PACRG: variants seen among roughly 807,000 people sequenced by gnomAD.
The protein encoded by PACRG is parkin coregulated gene protein.
PACRG carries 29 observed loss-of-function variants against 29.7 expected under a neutral mutation model. The ratio of observed to expected loss-of-function variants is 0.98; its 90% CI spans 0.73 to 1.33. The LOEUF is 1.33. Among genes scored for constraint, PACRG ranks in the 40% most tolerant of loss-of-function variants. PACRG has a pLI of 0.00. For missense variants in PACRG, 279 were observed against 316.2 expected, an observed-to-expected ratio of 0.88 and a Z score of 0.89; for synonymous variants, 116 against 118.7, an observed-to-expected ratio of 0.98 and a Z score of 0.15.
intron 4 of PACRG, among the ~76,000 whole-genome samples, chr6:163,216,721 A>G (rs1376346040): frequency 6.6e-6 from 1 of 152,184 alleles, no homozygotes; most frequent in Non-Finnish European, 1.5e-5. Flanking sequence ...CAACTTTATC[A>G]TAGTGTGAGA....
chr6:163,027,244 A>G (rs1219228345), intron 2 of PACRG, among the ~76,000 whole-genome samples: 1 of 152,190 alleles, frequency 6.6e-6, no homozygotes, highest in Non-Finnish European at 1.5e-5. Context: ...TTCTGCATTT[A>G]TCTGGGGTTT....
intron 2 of PACRG, among the ~76,000 whole-genome samples, chr6:162,917,273 A>T (rs1211353059): frequency 6.6e-6 from 1 of 152,146 alleles, no homozygotes; most frequent in Admixed American, 6.5e-5. Context: ...TGGAGCAGTG[A>T]AGTTCACGGT....
chr6:163,246,761 A>T (rs1468279411), intron 4 of PACRG, among the ~76,000 whole-genome samples: 3 of 152,264 alleles, frequency 2.0e-5, no homozygotes, highest in Non-Finnish European at 2.9e-5. Flanking sequence ...AGCTTTAGGC[A>T]AAAACAAATA....
chr6:162,817,521 G>C (rs1787461461), intron 2 of PACRG, among the ~76,000 whole-genome samples: 1 of 152,182 alleles, frequency 6.6e-6, no homozygotes, highest in African/African-American at 2.4e-5. Flanking sequence ...GAAGATTGCA[G>C]CAGTGTCTGA....
chr6:162,915,695 T>C (rs774378658), intron 2 of PACRG, among the ~76,000 whole-genome samples: 1 of 152,146 alleles, frequency 6.6e-6, no homozygotes, highest in African/African-American at 2.4e-5. Flanking sequence ...GCTATTCTTT[T>C]GTATTGTTTT....
intron 1 of PACRG, among the ~76,000 whole-genome samples, chr6:162,758,499 T>G (rs1419468417): frequency 6.6e-6 from 1 of 152,214 alleles, no homozygotes; most frequent in Non-Finnish European, 1.5e-5. Flanking sequence ...ATATGACTAC[T>G]TGGTTCATTA....
At chr6:162,808,777 A>G (rs1406271356) in intron 1 of PACRG, among the ~76,000 whole-genome samples, 1 of 152,154 alleles carries the variant, frequency 6.6e-6, no homozygotes, top group Non-Finnish European at 1.5e-5. Flanking sequence ...ATTTTCCCAC[A>G]AATCTCGTTT....
chr6:163,259,626 C>T (rs1386681126), intron 4 of PACRG, among the ~76,000 whole-genome samples: 1 of 152,184 alleles, frequency 6.6e-6, no homozygotes, highest in African/African-American at 2.4e-5. Context: ...ACAGCCTCAG[C>T]CTCACTTTGG....
At chr6:163,009,148 C>G (rs960101702) in intron 2 of PACRG, among the ~76,000 whole-genome samples, 2 of 152,114 alleles carry the variant, frequency 1.3e-5, no homozygotes, top group East Asian at 3.9e-4. Flanking sequence ...GTCCATGTGA[C>G]AACAACAACA....
intron 2 of PACRG, among the ~76,000 whole-genome samples, chr6:162,858,701 T>A (rs979275364): frequency 6.6e-6 from 1 of 152,182 alleles, no homozygotes; most frequent in Non-Finnish European, 1.5e-5. Context: ...TGAAATGGCA[T>A]GCTCCAATCG....
At chr6:163,110,414 C>T (rs761588483) in intron 4 of PACRG, among the ~76,000 whole-genome samples, 1 of 152,222 alleles carries the variant, frequency 6.6e-6, no homozygotes, top group Non-Finnish European at 1.5e-5. Context: ...TAATTACACT[C>T]ACTGGAGTTC....
chr6:162,932,664 A>G (rs1797936107), intron 2 of PACRG, among the ~76,000 whole-genome samples: 1 of 151,762 alleles, frequency 6.6e-6, no homozygotes, highest in Non-Finnish European at 1.5e-5. Context: ...TCTAATTTGT[A>G]GTTGTATAGT....
At chr6:162,924,952 G>T (rs1387367426) in intron 2 of PACRG, among the ~76,000 whole-genome samples, 1 of 151,652 alleles carries the variant, frequency 6.6e-6, no homozygotes, top group Non-Finnish European at 1.5e-5. Flanking sequence ...AGAGAAGAAT[G>T]AAATAGACAC....
chr6:163,119,893 C>T (rs1816189631), intron 4 of PACRG, among the ~76,000 whole-genome samples: 1 of 152,014 alleles, frequency 6.6e-6, no homozygotes, highest in African/African-American at 2.4e-5. Flanking sequence ...CATTTTGGGG[C>T]TTATTATTCA....
At chr6:162,854,542 T>G (rs1336122378) in intron 2 of PACRG, among the ~76,000 whole-genome samples, 1 of 152,224 alleles carries the variant, frequency 6.6e-6, no homozygotes, top group Non-Finnish European at 1.5e-5. Context: ...ATTATTATTA[T>G]TTTTTGGTTT....
intron 2 of PACRG, among the ~76,000 whole-genome samples, chr6:162,932,531 G>C (rs1797929042): frequency 6.6e-6 from 1 of 151,946 alleles, no homozygotes; most frequent in South Asian, 2.1e-4. Context: ...TCCTTGATAG[G>C]AGACTTTTCA....
chr6:162,900,782 C>T (rs1333100662), intron 2 of PACRG, among the ~76,000 whole-genome samples: 1 of 152,174 alleles, frequency 6.6e-6, no homozygotes, highest in Non-Finnish European at 1.5e-5. Flanking sequence ...GTGGCTGGCT[C>T]CTTCTCAGCC....
chr6:162,976,539 C>A (rs187331645), intron 2 of PACRG, among the ~76,000 whole-genome samples: 33 of 152,206 alleles, frequency 2.2e-4, no homozygotes, highest in African/African-American at 7.7e-4. Flanking sequence ...GAACAGCAGG[C>A]TGTACAGAAA....
At chr6:162,874,682 C>T (rs1304958496) in intron 2 of PACRG, among the ~76,000 whole-genome samples, 1 of 152,190 alleles carries the variant, frequency 6.6e-6, no homozygotes, top group Non-Finnish European at 1.5e-5. Context: ...GAATCATCCA[C>T]AAGTACCAGG....
Sources: gnomAD v4.1 joint callset for allele counts (sites outside exome capture counted in the v4.1 genomes callset) on GRCh38, gnomAD v4.1.1 for gene constraint, MANE v1.5 for transcripts, NCBI Gene and HGNC (gene_info 2026-07-23, HGNC 2026-07-21) for gene names.